RPTOR: variants seen among roughly 807,000 people sequenced by gnomAD.
The protein encoded by RPTOR is regulatory-associated protein of mTOR.
RPTOR carries 21 observed loss-of-function variants against 169.9 expected under a neutral mutation model. The observed-to-expected ratio is 0.12, with a 90% CI of 0.09 to 0.18. The LOEUF (loss-of-function observed/expected upper bound fraction) is 0.18. RPTOR is among the 10% of genes least tolerant of loss of function. RPTOR has a pLI of 1.00. For missense variants in RPTOR, 1,133 were observed against 1,855.9 expected (o/e 0.61, Z 7.16); for synonymous variants, 732 against 753.2 (o/e 0.97, Z 0.46).
At chr17:80,741,897 A>G (rs2873058) in intron 5 of RPTOR, among the ~76,000 whole-genome samples, 84,166 of 151,918 alleles carry the variant, frequency 0.55, 23,548 homozygotes, top group African/African-American at 0.59. Context: ...AGAAGTAGCC[A>G]GGCAGTTGGA....
At chr17:80,828,549 C>T (rs767988647) in intron 9 of RPTOR, among the ~76,000 whole-genome samples, 5 of 152,336 alleles carry the variant, frequency 3.3e-5, no homozygotes, top group African/African-American at 4.8e-5. Flanking sequence ...CCCCTAACCC[C>T]GACCCCTGCC....
intron 4 of RPTOR, among the ~76,000 whole-genome samples, chr17:80,720,227 T>G (rs1277802842): frequency 1.3e-5 from 2 of 152,070 alleles, no homozygotes; most frequent in African/African-American, 2.4e-5. Context: ...GAACTGGGAC[T>G]TGGAGGTTGC....
Position 80,861,755 on chromosome 17 carries a change from G to A in RPTOR, c.1509+3855G>A, listed in dbSNP as rs778519189. On this transcript the variant is annotated intron_variant, in intron 13 of 33. Transcript: ENST00000306801. The surrounding 1 kb of genome is among the most constrained non-coding windows in gnomAD (Gnocchi z 4.5). ...CCAGCACCGCCAGTGCTGCAGGAAC[G>A]TGTCTAAGCCAACTTTGATTCTCAG... is the stretch of plus-strand genomic sequence containing the variant. Among the ~76,000 whole-genome samples the A allele has an allele frequency of 1.2e-4, 19 of 152,192 alleles. No individual in the cohort carries two copies. Among genetic ancestry groups the A allele is most frequent in the Non-Finnish European group, 1.6e-4 (11 of 68,044 alleles).
intron 13 of RPTOR, among the ~76,000 whole-genome samples, chr17:80,875,858 G>A (rs1394559724): frequency 1.4e-5 from 2 of 144,592 alleles, no homozygotes; most frequent in Non-Finnish European, 3.0e-5. Context: ...CACCTGCTGG[G>A]TCTTCACACC....
chr17:80,555,610 G>A (rs963680729), intron 1 of RPTOR, among the ~76,000 whole-genome samples: 4 of 152,208 alleles, frequency 2.6e-5, no homozygotes, highest in Admixed American at 6.5e-5. Context: ...ATTACAATAC[G>A]CAAGTATAGG....
chr17:80,893,259 T>C (rs1158994569), intron 19 of RPTOR, among the ~76,000 whole-genome samples: 2 of 150,872 alleles, frequency 1.3e-5, no homozygotes, highest in Non-Finnish European at 3.0e-5. Context: ...CCAGGGTGTG[T>C]GCGCCAGGGT....
rs1228446815 is a variant in RPTOR, at chr17:80,857,779, C to T, written c.1399-11C>T. The T allele has an allele frequency of 1.9e-6, 3 of 1,601,228 alleles. No homozygotes were observed. The highest frequency in any genetic ancestry group is 2.6e-6 in the Non-Finnish European group (3 of 1,174,456). On this transcript the variant is annotated splice_polypyrimidine_tract_variant and intron_variant, in intron 12 of 33. Coordinates refer to ENST00000306801, the MANE Select transcript of RPTOR (RefSeq NM_020761.3). ...CGGCACAGGTGCGCTGACGCCCTCCCTCGCCCCCAGGCCTTGTCTGTCGGC... is the reference window on the plus strand; with the variant it reads ...CGGCACAGGTGCGCTGACGCCCTCCTTCGCCCCCAGGCCTTGTCTGTCGGC...
At chr17:80,587,401 C>G (rs777287615) in intron 1 of RPTOR, among the ~76,000 whole-genome samples, 1 of 152,192 alleles carries the variant, frequency 6.6e-6, no homozygotes, top group Non-Finnish European at 1.5e-5. Context: ...AATACAGTGT[C>G]GAACACTTGG....
intron 1 of RPTOR, among the ~76,000 whole-genome samples, chr17:80,580,753 G>T (rs1043425472): frequency 2.0e-5 from 3 of 152,188 alleles, no homozygotes; most frequent in East Asian, 1.9e-4. Context: ...CTCCCGAGTA[G>T]CTGGGACCAC....
intron 1 of RPTOR, among the ~76,000 whole-genome samples, chr17:80,584,263 G>C (rs192933471): frequency 4.3e-4 from 66 of 152,148 alleles, no homozygotes; most frequent in Non-Finnish European, 8.5e-4. Flanking sequence ...GAGAGCTCTA[G>C]AGAAACTAGT....
At chr17:80,698,905 G>A (rs1009625201) in intron 3 of RPTOR, among the ~76,000 whole-genome samples, 1 of 152,230 alleles carries the variant, frequency 6.6e-6, no homozygotes, top group Non-Finnish European at 1.5e-5. Context: ...TGCTGGCCAG[G>A]AAGCGCCAGC....
In RPTOR at chr17:80,754,047, T is replaced by A. The variant is rs2066656316; in HGVS notation, c.692T>A (p.Met231Lys). Residue 231 changes from methionine (M) to lysine (K), a missense_variant, in exon 6 of 34, where the codon ATG becomes AAG. Met to Lys is a moderately conservative substitution (Grantham distance 95). Transcript: ENST00000306801. This position sits in a 1 kb window ranked among gnomAD's most constrained non-coding sequence, Gnocchi z 4.2. ...AINPNHPLAQ[M>K]PLPPSMKNCI... ...AACCCAAATCACCCTCTTGCTCAGA[T>A]GCCTTTGCCTCCGTCGATGAAAAAC... The A allele has an allele frequency of 6.2e-7, 1 of 1,614,208 alleles. No individual in the cohort carries two copies. Among genetic ancestry groups the A allele is most frequent in the Non-Finnish European group, 8.5e-7 (1 of 1,180,028 alleles).
At chr17:80,858,056 C>T (rs2067874481) in intron 13 of RPTOR, 156 bp downstream of exon 13, 6 of 647,562 alleles carry the variant, frequency 9.3e-6, no homozygotes, top group Admixed American at 2.4e-5. Context: ...GTGGGACGCG[C>T]CCGCCTCGGC....
At chr17:80,661,974 T>C (rs995412769) in intron 3 of RPTOR, among the ~76,000 whole-genome samples, 3 of 152,234 alleles carry the variant, frequency 2.0e-5, no homozygotes, top group Non-Finnish European at 4.4e-5. Context: ...ATATTTCATG[T>C]CTCTTTAAAT....
At chr17:80,692,835 A>C (rs1406976502) in intron 3 of RPTOR, among the ~76,000 whole-genome samples, 1 of 152,268 alleles carries the variant, frequency 6.6e-6, no homozygotes, top group Admixed American at 6.5e-5. Flanking sequence ...AGTTAAATAC[A>C]CAAAATGAAG....
chr17:80,785,076 C>G (rs1351224797), intron 6 of RPTOR, among the ~76,000 whole-genome samples: 1 of 152,202 alleles, frequency 6.6e-6, no homozygotes, highest in African/African-American at 2.4e-5. Flanking sequence ...CCAGACACCT[C>G]CAGCAGTTTG....
chr17:80,769,987 T>G (rs2066826221), intron 6 of RPTOR, among the ~76,000 whole-genome samples: 1 of 152,228 alleles, frequency 6.6e-6, no homozygotes. Context: ...AGCCCACTAG[T>G]GCTGCTGCAC....
At chr17:80,956,592 A>C (rs751624305) in intron 28 of RPTOR, among the ~76,000 whole-genome samples, 4 of 152,262 alleles carry the variant, frequency 2.6e-5, no homozygotes, top group Non-Finnish European at 5.9e-5. Context: ...CTCATCTTCA[A>C]GCCTTAACAG....
chr17:80,904,244 G>T (rs569933838), intron 20 of RPTOR, among the ~76,000 whole-genome samples: 69 of 152,328 alleles, frequency 4.5e-4, no homozygotes, highest in African/African-American at 1.5e-3. Context: ...CAGGAAAGGG[G>T]CCGCTGCGGA....
Sources: gnomAD v4.1 joint callset for allele counts (sites outside exome capture counted in the v4.1 genomes callset) on GRCh38, gnomAD v4.1.1 for gene constraint, Gnocchi (gnomAD v3.1) non-coding constraint, MANE v1.5 for transcripts, NCBI Gene and HGNC (gene_info 2026-07-23, HGNC 2026-07-21) for gene names.